RPS6KA2: variants seen among roughly 807,000 people sequenced by gnomAD.
RPS6KA2 encodes the protein ribosomal protein S6 kinase A2, also known as ribosomal protein S6 kinase alpha-2.
A neutral mutation model predicts 91.8 loss-of-function variants in RPS6KA2; 42 were observed. The observed-to-expected ratio is 0.46, with a 90% CI of 0.36 to 0.59. The LOEUF is 0.59. RPS6KA2 is among the 20% of genes least tolerant of loss of function. The probability of loss-of-function intolerance (pLI) is 0.00; values close to 1 mark genes in which losing one functional copy is unlikely to be tolerated. For missense variants in RPS6KA2, 798 were observed against 978.5 expected, an observed-to-expected ratio of 0.82 and a Z score of 2.46; for synonymous variants, 414 against 393.6, an observed-to-expected ratio of 1.05 and a Z score of -0.61.
At chr6:166,560,489 CAAT>C (rs1784311348) in intron 1 of RPS6KA2, among the ~76,000 whole-genome samples, 1 of 152,166 alleles carries the variant, frequency 6.6e-6, no homozygotes, top group Non-Finnish European at 1.5e-5. Context: ...GCATAAAGAA[CAAT>C]GACACATTCC....
At chr6:166,707,150 T>C (rs1272787837) in intron 2 of RPS6KA2, among the ~76,000 whole-genome samples, 4 of 152,368 alleles carry the variant, frequency 2.6e-5, no homozygotes, top group East Asian at 3.9e-4. Context: ...CAGCATCTGC[T>C]AGATGCCTTC....
chr6:166,567,080 T>C (rs554089225), intron 1 of RPS6KA2, among the ~76,000 whole-genome samples: 21 of 152,280 alleles, frequency 1.4e-4, no homozygotes, highest in African/African-American at 5.1e-4. Context: ...AAACAATCCA[T>C]GATGAGCCAC....
intron 2 of RPS6KA2, among the ~76,000 whole-genome samples, chr6:166,699,181 T>C (rs947101887): frequency 2.0e-5 from 3 of 152,052 alleles, no homozygotes; most frequent in African/African-American, 4.8e-5. Flanking sequence ...GTCCAGCTAA[T>C]AGAAAGGCTG....
chr6:166,455,906 G>A (rs1780088155), intron 12 of RPS6KA2, among the ~76,000 whole-genome samples: 1 of 152,208 alleles, frequency 6.6e-6, no homozygotes, highest in Non-Finnish European at 1.5e-5. Flanking sequence ...CTTCCCTTAG[G>A]GATTTAGACT....
At chr6:166,781,963 C>T (rs1361813930) in intron 2 of RPS6KA2, among the ~76,000 whole-genome samples, 1 of 152,170 alleles carries the variant, frequency 6.6e-6, no homozygotes, top group Non-Finnish European at 1.5e-5. Context: ...AGTAGCATGT[C>T]CCCCCTGGAC....
intron 2 of RPS6KA2, among the ~76,000 whole-genome samples, chr6:166,790,918 T>C (rs1417720402): frequency 1.3e-5 from 2 of 152,040 alleles, no homozygotes; most frequent in Admixed American, 1.3e-4. Context: ...CATGCCAAAA[T>C]GTAAAGACCA....
At chr6:166,576,805 T>G (rs1444848403) in intron 1 of RPS6KA2, among the ~76,000 whole-genome samples, 1 of 152,118 alleles carries the variant, frequency 6.6e-6, no homozygotes, top group Non-Finnish European at 1.5e-5. Context: ...GCATAAGTAA[T>G]GAGAAGTTGA....
At chr6:166,634,563 A>G (rs1787177579) in intron 2 of RPS6KA2, among the ~76,000 whole-genome samples, 1 of 152,238 alleles carries the variant, frequency 6.6e-6, no homozygotes, top group South Asian at 2.1e-4. Context: ...ACATGGAAAA[A>G]CAAAGACATG....
At chr6:166,786,076 T>A (rs1778921853) in intron 2 of RPS6KA2, among the ~76,000 whole-genome samples, 1 of 152,228 alleles carries the variant, frequency 6.6e-6, no homozygotes, top group Non-Finnish European at 1.5e-5. Context: ...GGGTGTTTCT[T>A]GTTATTTGAG....
chr6:166,712,126 G>C (rs1366598279), intron 2 of RPS6KA2, among the ~76,000 whole-genome samples: 2 of 152,218 alleles, frequency 1.3e-5, no homozygotes, highest in Non-Finnish European at 2.9e-5. Context: ...GCTGGACCTA[G>C]GTAAGAGGTC....
intron 2 of RPS6KA2, among the ~76,000 whole-genome samples, chr6:166,688,538 A>G (rs749534133): frequency 2.0e-5 from 3 of 152,222 alleles, no homozygotes; most frequent in Admixed American, 6.5e-5. Flanking sequence ...ACCGTGGGGT[A>G]AAACAAAATC....
Position 166,493,412 on chromosome 6 carries a change from C to T in RPS6KA2, c.748-2671G>A, listed in dbSNP as rs766049705. ...CGAAGCATTACTGACTGAGGTTTTG[C>T]TGATGAGTTTCTTGGGACGTTATTT... On this transcript the variant is annotated intron_variant, in intron 8 of 20. Coordinates refer to ENST00000265678, the MANE Select transcript of RPS6KA2 (RefSeq NM_021135.6). The surrounding 1 kb of genome is among the most constrained non-coding windows in gnomAD (Gnocchi z 4.7). Among the ~76,000 whole-genome samples the T allele has an allele frequency of 3.9e-5, 6 of 152,106 alleles. No homozygotes were observed. The highest frequency in any genetic ancestry group is 6.6e-5 in the Admixed American group (1 of 15,266).
chr6:166,610,498 G>A (rs1018335537), intron 1 of RPS6KA2, among the ~76,000 whole-genome samples: 14 of 152,212 alleles, frequency 9.2e-5, no homozygotes, highest in Admixed American at 9.2e-4. Context: ...CACACTTCAT[G>A]AGGCCAAACA....
intron 2 of RPS6KA2, among the ~76,000 whole-genome samples, chr6:166,632,396 T>C (rs1209546360): frequency 6.6e-6 from 1 of 152,140 alleles, no homozygotes; most frequent in Admixed American, 6.5e-5. Context: ...GCAGATCACC[T>C]GAGATCAGGA....
In RPS6KA2 at chr6:166,419,001, A is replaced by T. The variant is rs1324315452; in HGVS notation, c.1821-659T>A. Among the ~76,000 whole-genome samples, 1 of 152,218 alleles carries T rather than the reference A, an allele frequency of 6.6e-6. No individual in the cohort carries two copies. On this transcript the variant is annotated intron_variant, in intron 18 of 20. Coordinates refer to ENST00000265678, the MANE Select transcript of RPS6KA2 (RefSeq NM_021135.6). The surrounding 1 kb of genome is among the most constrained non-coding windows in gnomAD (Gnocchi z 5.6). The stretch of plus-strand genomic sequence containing the variant: ...CGTCACAAAGTAACCTGACTGTGGT[A>T]TTGGTAAGAAACTGAGGTTCCTTCC...
intron 2 of RPS6KA2, among the ~76,000 whole-genome samples, chr6:166,756,818 C>T (rs1268132372): frequency 6.6e-6 from 1 of 152,020 alleles, no homozygotes; most frequent in Non-Finnish European, 1.5e-5. Context: ...TGCACTCCAG[C>T]CTAGGCAACA....
At chr6:166,753,613 A>G (rs1777912363) in intron 2 of RPS6KA2, among the ~76,000 whole-genome samples, 2 of 152,238 alleles carry the variant, frequency 1.3e-5, no homozygotes, top group South Asian at 4.1e-4. Flanking sequence ...ATTCATCCAC[A>G]GGGACATAAA....
At chr6:166,630,749 C>T (rs1787050369), upstream of RPS6KA2, among the ~76,000 whole-genome samples, 1 of 152,234 alleles carries the variant, frequency 6.6e-6, no homozygotes, top group African/African-American at 2.4e-5. Flanking sequence ...TCAAGCTTCC[C>T]TTAGTGTAGT....
intron 2 of RPS6KA2, among the ~76,000 whole-genome samples, chr6:166,669,137 G>A (rs541561628): frequency 5.3e-5 from 8 of 151,992 alleles, no homozygotes; most frequent in African/African-American, 1.4e-4. Flanking sequence ...CAAGTGATCC[G>A]CCCACTTCAG....
Sources: allele counts gnomAD v4.1 joint callset (sites outside exome capture counted in the v4.1 genomes callset), GRCh38; gene constraint gnomAD v4.1.1; non-coding constraint Gnocchi (gnomAD v3.1); transcripts MANE v1.5; gene names NCBI Gene and HGNC (gene_info 2026-07-23, HGNC 2026-07-21).